The following CDH13 variants were observed in gnomAD, a reference collection of about 807,000 sequenced individuals.
CDH13 encodes the protein cadherin-13.
In CDH13, 24 loss-of-function variants were observed where a neutral mutation model predicts 63.8. The ratio of observed to expected loss-of-function variants is 0.38; its 90% CI spans 0.27 to 0.53. The LOEUF is 0.53. CDH13 is among the 20% of genes least tolerant of loss of function. The pLI, the probability that CDH13 is intolerant of heterozygous loss-of-function variation, is 0.85. For missense variants in CDH13, 1,049 were observed against 903.1 expected (o/e 1.16, Z -2.07); for synonymous variants, 503 against 355.3 (o/e 1.42, Z -4.67).
intron 6 of CDH13, among the ~76,000 whole-genome samples, chr16:83,464,197 T>A (rs572992030): frequency 6.6e-6 from 1 of 151,216 alleles, no homozygotes; most frequent in Non-Finnish European, 1.5e-5. Flanking sequence ...GTATCTGGGA[T>A]TACAGGCACA....
chr16:83,351,059 A>G (rs982095458), intron 6 of CDH13, among the ~76,000 whole-genome samples: 4 of 152,198 alleles, frequency 2.6e-5, no homozygotes, highest in Non-Finnish European at 5.9e-5. Flanking sequence ...TTTGACACCT[A>G]GCTCAGCCGA....
At chr16:83,260,205 TCTA>T (rs1906817443) in intron 5 of CDH13, among the ~76,000 whole-genome samples, 2 of 151,944 alleles carry the variant, frequency 1.3e-5, no homozygotes, top group Admixed American at 1.3e-4. Flanking sequence ...TAGTTTCTCT[TCTA>T]CTGTCGCTTG....
At chr16:83,089,848 T>C (rs2033807880) in intron 3 of CDH13, among the ~76,000 whole-genome samples, 3 of 152,158 alleles carry the variant, frequency 2.0e-5, no homozygotes, top group African/African-American at 7.2e-5. Context: ...CTGAGGATCT[T>C]GTAAAAAATG....
chr16:83,778,547 G>T (rs559482540), intron 11 of CDH13, among the ~76,000 whole-genome samples: 3 of 151,384 alleles, frequency 2.0e-5, no homozygotes, highest in South Asian at 4.2e-4. Flanking sequence ...AAGAAAGAAA[G>T]ACATTATTAG....
intron 2 of CDH13, among the ~76,000 whole-genome samples, chr16:82,901,114 G>C (rs781002554): frequency 6.7e-6 from 1 of 150,324 alleles, no homozygotes; most frequent in Non-Finnish European, 1.5e-5. Flanking sequence ...TCCAGAAAGA[G>C]AGCATGATCT....
intron 5 of CDH13, among the ~76,000 whole-genome samples, chr16:83,274,909 A>C (rs2088937868): frequency 6.6e-6 from 1 of 152,092 alleles, no homozygotes; most frequent in African/African-American, 2.4e-5. Context: ...TCTTTATTCC[A>C]TTTAGGTGTG....
At chr16:83,297,586 T>G (rs11640284) in intron 5 of CDH13, among the ~76,000 whole-genome samples, 1 of 151,828 alleles carries the variant, frequency 6.6e-6, no homozygotes, top group Non-Finnish European at 1.5e-5. Flanking sequence ...GCTTGGGCAC[T>G]GTTCTCAGTG....
chr16:82,757,653 T>TTTG (rs1176758900), intron 1 of CDH13, among the ~76,000 whole-genome samples: 1 of 102,338 alleles, frequency 9.8e-6, no homozygotes, highest in Non-Finnish European at 2.4e-5. Context: ...TTTTGTTTTT[T>TTTG]TTTTTTTTGG....
chr16:83,760,280 C>T (rs1186152456), intron 11 of CDH13, among the ~76,000 whole-genome samples: 4 of 152,106 alleles, frequency 2.6e-5, no homozygotes, highest in Non-Finnish European at 2.9e-5. Context: ...TTGGGTACAG[C>T]CACGTTGGAA....
chr16:83,716,745 G>T (rs995828136), intron 10 of CDH13, among the ~76,000 whole-genome samples: 1 of 152,128 alleles, frequency 6.6e-6, no homozygotes, highest in African/African-American at 2.4e-5. Flanking sequence ...GCCTTCCAAA[G>T]TGCTGGGATT....
intron 1 of CDH13, among the ~76,000 whole-genome samples, chr16:82,785,919 G>A (rs2035979552): frequency 6.6e-6 from 1 of 151,978 alleles, no homozygotes; most frequent in Non-Finnish European, 1.5e-5. Context: ...GAGGGGAAGG[G>A]GTTCTTATCC....
chr16:83,186,146 TTTTA>T (rs2038516141), intron 4 of CDH13, among the ~76,000 whole-genome samples: 1 of 132,886 alleles, frequency 7.5e-6, no homozygotes, highest in African/African-American at 3.0e-5. Flanking sequence ...TTTTATTTTA[TTTTA>T]TTTGAGACAG....
intron 3 of CDH13, among the ~76,000 whole-genome samples, chr16:83,116,711 T>C (rs547404871): frequency 6.6e-6 from 1 of 152,358 alleles, no homozygotes; most frequent in East Asian, 1.9e-4. Flanking sequence ...ATTGCACAAC[T>C]CTGTAAATTT....
At chr16:83,468,317 C>G (rs2073368340) in intron 6 of CDH13, among the ~76,000 whole-genome samples, 1 of 152,092 alleles carries the variant, frequency 6.6e-6, no homozygotes, top group Admixed American at 6.6e-5. Flanking sequence ...GAAGGCAGGG[C>G]AGAGAGAGAT....
At chr16:83,619,658 A>C (rs965880910) in intron 8 of CDH13, among the ~76,000 whole-genome samples, 1 of 152,122 alleles carries the variant, frequency 6.6e-6, no homozygotes, top group Non-Finnish European at 1.5e-5. Flanking sequence ...CTCCATCTAC[A>C]CCTGGCTTCT....
chr16:83,015,485 G>A (rs1914666593), intron 2 of CDH13, among the ~76,000 whole-genome samples: 2 of 151,214 alleles, frequency 1.3e-5, no homozygotes, highest in African/African-American at 2.4e-5. Context: ...TATTCCTGGT[G>A]ATAGTATCTG....
intron 1 of CDH13, among the ~76,000 whole-genome samples, chr16:82,805,179 C>A (rs928623043): frequency 6.6e-6 from 1 of 152,142 alleles, no homozygotes; most frequent in Non-Finnish European, 1.5e-5. Flanking sequence ...ATGTGTCCTT[C>A]TCTCTAATAG....
intron 11 of CDH13, among the ~76,000 whole-genome samples, chr16:83,773,291 A>G (rs1275649396): frequency 6.6e-6 from 1 of 152,226 alleles, no homozygotes; most frequent in Admixed American, 6.5e-5. Context: ...GTCAAGGCCT[A>G]TATTAGTCCA....
chr16:82,777,064 G>C (rs1012158502), intron 1 of CDH13, among the ~76,000 whole-genome samples: 1 of 152,190 alleles, frequency 6.6e-6, no homozygotes, highest in African/African-American at 2.4e-5. Context: ...TTCTGCCTCA[G>C]CCTCCCAGGT....
Sources: allele counts gnomAD v4.1 joint callset (sites outside exome capture counted in the v4.1 genomes callset), GRCh38; gene constraint gnomAD v4.1.1; transcripts MANE v1.5; gene names NCBI Gene and HGNC (gene_info 2026-07-23, HGNC 2026-07-21).